AGAP1: variants seen among roughly 807,000 people sequenced by gnomAD.
The protein encoded by AGAP1 is arf-GAP with GTPase, ANK repeat and PH domain-containing protein 1.
AGAP1 carries 29 observed loss-of-function variants against 105.3 expected under a neutral mutation model. That is an observed-to-expected ratio of 0.28 (90% CI 0.21 to 0.38). The LOEUF (loss-of-function observed/expected upper bound fraction) is 0.38, where lower values mean the gene tolerates loss of function less well. Ranked by LOEUF, AGAP1 falls within the 10% of genes least tolerant of loss-of-function variation. The probability of loss-of-function intolerance (pLI) is 1.00; values close to 1 mark genes in which losing one functional copy is unlikely to be tolerated. For synonymous variants in AGAP1, 509 were observed against 485.9 expected (o/e 1.05, Z -0.63); for missense variants, 998 against 1,165.1 (o/e 0.86, Z 2.09).
At chr2:235,722,908 A>G (rs542583026) in intron 3 of AGAP1, among the ~76,000 whole-genome samples, 2 of 151,814 alleles carry the variant, frequency 1.3e-5, no homozygotes, top group African/African-American at 4.8e-5. Flanking sequence ...AAAAAAAATT[A>G]TACACACACT....
chr2:235,992,202 G>A lies in AGAP1; in HGVS notation c.1645+23579G>A, dbSNP rs186752157. Among the ~76,000 whole-genome samples, 8 of 151,284 alleles carry A rather than the reference G, an allele frequency of 5.3e-5. No individual in the cohort carries two copies. In the East Asian group the frequency reaches 1.2e-3, roughly 22 times the overall value. The stretch of plus-strand genomic sequence containing the variant: ...TGGTTAGGAGCGCAGCGGAGGAGCC[G>A]GTCTTCCTGGGTCCATGTTGCGTGG... On this transcript the variant is annotated intron_variant, in intron 13 of 17. Transcript: ENST00000304032. This position sits in a 1 kb window ranked among gnomAD's most constrained non-coding sequence, Gnocchi z 4.8.
rs1946286598 is a variant in AGAP1, at chr2:235,615,709, C to T, written c.164-93470C>T. ...AATTATTGTTTTTTCTCTTTATGCT[C>T]ATAGCCATTCCAAAGACAGAATCCT... On this transcript the variant is annotated intron_variant, in intron 1 of 17. Transcript: ENST00000304032. This position sits in a 1 kb window ranked among gnomAD's most constrained non-coding sequence, Gnocchi z 5.0. Among the ~76,000 whole-genome samples the T allele has an allele frequency of 6.6e-6, 1 of 152,136 alleles. No individual in the cohort carries two copies.
intron 16 of AGAP1, among the ~76,000 whole-genome samples, chr2:236,057,551 G>GCC (rs967543168): frequency 8.8e-4 from 133 of 151,358 alleles, no homozygotes; most frequent in African/African-American, 2.9e-3. Flanking sequence ...CAGGGTTAGA[G>GCC]CCCCCCCCTC....
chr2:236,086,315 T>C (rs1182799869), intron 16 of AGAP1, among the ~76,000 whole-genome samples: 1 of 152,216 alleles, frequency 6.6e-6, no homozygotes, highest in Non-Finnish European at 1.5e-5. Flanking sequence ...TAACTCTCTG[T>C]CTTCTTCAGT....
At chr2:235,519,906 C>T (rs1942551712) in intron 1 of AGAP1, among the ~76,000 whole-genome samples, 2 of 152,142 alleles carry the variant, frequency 1.3e-5, no homozygotes, top group Non-Finnish European at 2.9e-5. Flanking sequence ...CCTCAGCCTC[C>T]TGAGTAGCTG....
In AGAP1 at chr2:235,557,728, C is replaced by A. The variant is rs984974512; in HGVS notation, c.163+62879C>A. On this transcript the variant is annotated intron_variant, in intron 1 of 17. Coordinates refer to ENST00000304032, the MANE Select transcript of AGAP1 (RefSeq NM_001037131.3). This position sits in a 1 kb window ranked among gnomAD's most constrained non-coding sequence, Gnocchi z 4.7. ...CCAGACAGCCTGACCCCAGAGTGGG[C>A]ACTTCAGGTCCCGCTCCATGGCCGT... 6.6e-6 allele frequency among the ~76,000 whole-genome samples: 1 copy of A among 152,156 alleles called. No homozygotes were observed. Among genetic ancestry groups the A allele is most frequent in the South Asian group, 2.1e-4 (1 of 4,824 alleles).
rs142998327 is a variant in AGAP1 at position 235,603,241 on chromosome 2, G to A, written c.164-105938G>A. ...TCGTCTCTCTCTTGCCTGCCGCCAT[G>A]TAAGATGTGCCTTTCACCTTCTGCC... is the stretch of plus-strand genomic sequence containing the variant. On this transcript the variant is annotated intron_variant, in intron 1 of 17. Transcript: ENST00000304032. 5.2e-3 allele frequency among the ~76,000 whole-genome samples: 788 copies of A among 152,186 alleles called. 2 individuals are homozygous for A. Among genetic ancestry groups the A allele is most frequent in the African/African-American group, 0.011 (448 of 41,540 alleles).
intron 13 of AGAP1, among the ~76,000 whole-genome samples, chr2:235,978,966 C>A (rs979487267): frequency 6.6e-6 from 1 of 152,084 alleles, no homozygotes; most frequent in Non-Finnish European, 1.5e-5. Flanking sequence ...TTAGAACCTA[C>A]AGGATTAGAT....
intron 6 of AGAP1, among the ~76,000 whole-genome samples, chr2:235,767,587 A>G (rs768024297): frequency 1.3e-5 from 2 of 152,100 alleles, no homozygotes; most frequent in Non-Finnish European, 2.9e-5. Flanking sequence ...TTTTTTGGAA[A>G]TGTAGATATT....
chr2:235,587,488 A>G (rs1475087834), intron 1 of AGAP1, among the ~76,000 whole-genome samples: 2 of 152,202 alleles, frequency 1.3e-5, no homozygotes, highest in African/African-American at 2.4e-5. Flanking sequence ...GCGGTGGCTC[A>G]TGCCTGTAAT....
At position 235,552,255 on chromosome 2, in the gene AGAP1, A is replaced by G. The variant is rs892976266; in HGVS notation, c.163+57406A>G. On this transcript the variant is annotated intron_variant, in intron 1 of 17. Coordinates refer to ENST00000304032, the MANE Select transcript of AGAP1 (RefSeq NM_001037131.3). This position sits in a 1 kb window ranked among gnomAD's most constrained non-coding sequence, Gnocchi z 5.9. ...GCTTATTGCTGGTGTTGAGAAATAC[A>G]GTTTCTGCAGGAAAGAGAGAGACAT... Among the ~76,000 whole-genome samples, 4 of 152,198 alleles carry G rather than the reference A, an allele frequency of 2.6e-5. No homozygotes were observed. Among genetic ancestry groups the G allele is most frequent in the African/African-American group, 9.7e-5 (4 of 41,440 alleles).
In AGAP1 at chr2:235,917,151, C is replaced by T. The variant is rs528243706; in HGVS notation, c.1324+8245C>T. 1.1e-3 allele frequency among the ~76,000 whole-genome samples: 165 copies of T among 152,238 alleles called. 1 individual carries two copies. Among genetic ancestry groups the T allele is most frequent in the Middle Eastern group, 3.4e-3 (1 of 294 alleles). Reference sequence around the variant, plus strand: ...GACCTTTGTCAAAGGAATCCTTTCCCCTTCTCCTCTACATCCCCCCCTTCC... The same window carrying T: ...GACCTTTGTCAAAGGAATCCTTTCCTCTTCTCCTCTACATCCCCCCCTTCC... On this transcript the variant is annotated intron_variant, in intron 11 of 17. Transcript: ENST00000304032.
chr2:236,099,038 C>G (rs762910497), intron 16 of AGAP1, among the ~76,000 whole-genome samples: 1 of 152,076 alleles, frequency 6.6e-6, no homozygotes, highest in Non-Finnish European at 1.5e-5. Context: ...AGCCCCACCT[C>G]CCCAGCGGGG....
chr2:235,593,181 C>T (rs1409620953), intron 1 of AGAP1, among the ~76,000 whole-genome samples: 1 of 152,172 alleles, frequency 6.6e-6, no homozygotes, highest in African/African-American at 2.4e-5. Flanking sequence ...GGCTCTCAAG[C>T]TGGCATTCAG....
At chr2:235,858,038 A>G (rs1384704097) in intron 9 of AGAP1, among the ~76,000 whole-genome samples, 3 of 152,186 alleles carry the variant, frequency 2.0e-5, no homozygotes, top group Non-Finnish European at 4.4e-5. Flanking sequence ...TTAATTTAGT[A>G]TCACCACTTC....
chr2:235,991,242 C>T lies in AGAP1; in HGVS notation c.1645+22619C>T, dbSNP rs111485228. ...GAATTATTATGCATTTCTTATTTCT[C>T]TGTCCTTTAATTTTGAAGGGTCAGT... On this transcript the variant is annotated intron_variant, in intron 13 of 17. Transcript: ENST00000304032. Among the ~76,000 whole-genome samples the T allele has an allele frequency of 5.6e-3, 855 of 152,320 alleles. 6 individuals are homozygous for T. Among genetic ancestry groups the T allele is most frequent in the Middle Eastern group, 0.014 (4 of 294 alleles).
At position 235,635,534 on chromosome 2, in the gene AGAP1, G is replaced by C. The variant is rs950789503; in HGVS notation, c.164-73645G>C. Among the ~76,000 whole-genome samples, 2 of 152,056 alleles carry C rather than the reference G, an allele frequency of 1.3e-5. No individual in the cohort carries two copies. Among genetic ancestry groups the C allele is most frequent in the African/African-American group, 2.4e-5 (1 of 41,384 alleles). Reference sequence around the variant, plus strand: ...TGATTCAACATGATTTGGAAACCATGGGGTAAGTCTCTGAGGAACAAGAAG... The same window carrying C: ...TGATTCAACATGATTTGGAAACCATCGGGTAAGTCTCTGAGGAACAAGAAG... On this transcript the variant is annotated intron_variant, in intron 1 of 17. Transcript: ENST00000304032. This position sits in a 1 kb window ranked among gnomAD's most constrained non-coding sequence, Gnocchi z 5.3.
rs1304020461 is a variant in AGAP1 at position 236,121,187 on chromosome 2, G to C, written c.2370+740G>C. 6.6e-6 allele frequency among the ~76,000 whole-genome samples: 1 copy of C among 152,262 alleles called. No individual in the cohort carries two copies. Among genetic ancestry groups the C allele is most frequent in the Non-Finnish European group, 1.5e-5 (1 of 68,040 alleles). On this transcript the variant is annotated intron_variant, in intron 17 of 17. Transcript: ENST00000304032. This position sits in a 1 kb window ranked among gnomAD's most constrained non-coding sequence, Gnocchi z 4.9. ...CACCCAGAGGTGGGACACCCAGCTG[G>C]AGGCTCTTCTGTCTCCACCCGCAAG...
At chr2:235,820,059 A>G (rs1314847104) in intron 9 of AGAP1, among the ~76,000 whole-genome samples, 1 of 151,996 alleles carries the variant, frequency 6.6e-6, no homozygotes, top group Non-Finnish European at 1.5e-5. Context: ...ATTCACCACC[A>G]TGCCCAGCTA....
Sources: allele counts gnomAD v4.1 joint callset (sites outside exome capture counted in the v4.1 genomes callset), GRCh38; gene constraint gnomAD v4.1.1; non-coding constraint Gnocchi (gnomAD v3.1); transcripts MANE v1.5; gene names NCBI Gene and HGNC (gene_info 2026-07-23, HGNC 2026-07-21).